LAMB1: variants seen among roughly 807,000 people sequenced by gnomAD.
LAMB1 encodes laminin subunit beta-1.
Under a neutral mutation model 222.3 loss-of-function variants are expected in LAMB1, and 121 were observed. The observed-to-expected ratio is 0.54, with a 90% confidence interval of 0.47 to 0.63. LAMB1 has a LOEUF of 0.63. LAMB1 is among the 30% of genes least tolerant of loss of function. The probability of loss-of-function intolerance (pLI) is 0.00; values close to 1 mark genes in which losing one functional copy is unlikely to be tolerated. For synonymous variants in LAMB1, 794 were observed against 807.2 expected, an observed-to-expected ratio of 0.98 and a Z score of 0.28; for missense variants, 2,172 against 2,240.8, an observed-to-expected ratio of 0.97 and a Z score of 0.62.
At chr7:107,981,523 G>A (rs2033974177) in intron 7 of LAMB1, among the ~76,000 whole-genome samples, 1 of 152,034 alleles carries the variant, frequency 6.6e-6, no homozygotes, top group Non-Finnish European at 1.5e-5. Context: ...TGAGGCAGGA[G>A]AGTTGCCTGA....
At chr7:107,964,458 A>T in intron 14 of LAMB1, 94 bp downstream of exon 14, 1 of 1,457,138 alleles carries the variant, frequency 6.9e-7, no homozygotes, top group Non-Finnish European at 9.5e-7. Flanking sequence ...AAAGCTATAA[A>T]AATGCTTCTG....
intron 14 of LAMB1, among the ~76,000 whole-genome samples, chr7:107,963,874 G>A (rs1427567968): frequency 3.9e-5 from 6 of 152,210 alleles, no homozygotes; most frequent in South Asian, 2.1e-4. Context: ...CAAGGCGGGC[G>A]GATCACCTGA....
intron 31 of LAMB1, 74 bp downstream of exon 31, chr7:107,928,990 G>T: frequency 1.4e-6 from 2 of 1,385,734 alleles, no homozygotes; most frequent in Non-Finnish European, 2.0e-6. Flanking sequence ...TCTGTTCATA[G>T]ATAACAAATG....
At chr7:107,970,505 A>AAAAAG (rs386418403) in intron 13 of LAMB1, among the ~76,000 whole-genome samples, 10 of 108,802 alleles carry the variant, frequency 9.2e-5, no homozygotes, top group African/African-American at 2.3e-4. Context: ...AAAAAAAAAA[A>AAAAAG]GGGGGGGGTG....
rs180900612 is a variant in LAMB1, at chr7:107,987,587, G to A, written c.424-1224C>T. On this transcript the variant is annotated intron_variant, in intron 5 of 33. Coordinates refer to ENST00000222399, the MANE Select transcript of LAMB1 (RefSeq NM_002291.3). ...ACGATCTCAGTTCAATGCATCCTCC[G>A]CCTCCTGGGTTCAAACAATTCTTCT... Among the ~76,000 whole-genome samples, 811 of 152,244 alleles carry A rather than the reference G, an allele frequency of 5.3e-3. 3 individuals are homozygous for A. The highest frequency in any genetic ancestry group is 0.017 in the Middle Eastern group (5 of 294).
In LAMB1 at chr7:107,940,310, G is replaced by A. The variant is rs778323211; in HGVS notation, c.3440C>T (p.Ser1147Phe). ...CTCAACGCAGACACACTGGCCCGTG[G>A]ACTGGTCACACTGTGGCGTCTCAAT... ...RGIETPQCDQ[S>F]TGQCVCVEGV... is the part of the protein sequence containing the mutation. The change falls in exon 25 of 34, where the codon TCC becomes TTC. Residue 1147 changes from serine to phenylalanine, a missense_variant. Transcript: ENST00000222399. 1 of 1,614,180 alleles carries A rather than the reference G, an allele frequency of 6.2e-7. No individual in the cohort carries two copies. The highest frequency in any genetic ancestry group is 1.7e-5 in the Admixed American group (1 of 60,024).
chr7:107,941,724 G>A (rs2032986107), intron 24 of LAMB1, among the ~76,000 whole-genome samples: 2 of 150,036 alleles, frequency 1.3e-5, no homozygotes, highest in South Asian at 2.1e-4. Flanking sequence ...GCGCGATCTC[G>A]GCTCACTGCA....
In LAMB1 at chr7:107,975,888, A is replaced by C. The variant is rs370876282; in HGVS notation, c.1001-11T>G. On this transcript the variant is annotated splice_polypyrimidine_tract_variant and intron_variant, in intron 9 of 33. Coordinates refer to ENST00000222399, the MANE Select transcript of LAMB1 (RefSeq NM_002291.3). ...CATTGCAGTTACATTCTGCGTGACA[A>C]GAGCAACGTCAAGAAAAGCTTTTTA... The C allele has an allele frequency of 6.2e-7, 1 of 1,611,314 alleles. No individual in the cohort carries two copies. Among genetic ancestry groups the C allele is most frequent in the African/African-American group, 1.3e-5 (1 of 74,990 alleles).
At chr7:107,938,965 A>G (rs1007308275) in intron 25 of LAMB1, among the ~76,000 whole-genome samples, 1 of 152,172 alleles carries the variant, frequency 6.6e-6, no homozygotes, top group Non-Finnish European at 1.5e-5. Context: ...TATGAGATGA[A>G]AAGTCCCTCT....
At position 107,964,553 on chromosome 7, in the gene LAMB1, G is replaced by A; in HGVS notation, c.1697C>T (p.Pro566Leu). 1 of 1,614,108 alleles carries A rather than the reference G, an allele frequency of 6.2e-7. No individual in the cohort carries two copies. The highest frequency in any genetic ancestry group is 1.1e-5 in the South Asian group (1 of 91,078). The change falls in exon 14 of 34, where the codon CCT (proline) becomes CTT (leucine). Residue 566 changes from proline (P) to leucine (L), a missense_variant and splice_region_variant. Coordinates refer to ENST00000222399, the MANE Select transcript of LAMB1 (RefSeq NM_002291.3). ...CCTGCCACACACTCCCCTACTCACAGGCCCCAAGTTGGCTTCCTCCGCTTC... is the reference window on the plus strand; with the variant it reads ...CCTGCCACACACTCCCCTACTCACAAGCCCCAAGTTGGCTTCCTCCGCTTC... ...LYEAEEANLGPGVSIVERQYI... is the reference protein window; with the variant it reads ...LYEAEEANLGLGVSIVERQYI...
chr7:107,937,410 A>T (rs1165755900), intron 25 of LAMB1, 133 bp from the exon 26 acceptor site: 3 of 676,052 alleles, frequency 4.4e-6, no homozygotes, highest in Non-Finnish European at 7.5e-6. Context: ...TTTCATCCCT[A>T]AGTGCTAGTT....
rs1454383363 is a variant in LAMB1 at position 107,985,500 on chromosome 7, G to A, written c.676+522C>T. Among the ~76,000 whole-genome samples the A allele has an allele frequency of 5.3e-5, 8 of 151,916 alleles. No homozygotes were observed. In the East Asian group the frequency reaches 1.2e-3, roughly 22 times the overall value. ...ATAAACTAGCTGGGCATGGTGGCGGGCACCTGTAATCCCAGCTACTCGGGA... is the reference window on the plus strand; with the variant it reads ...ATAAACTAGCTGGGCATGGTGGCGGACACCTGTAATCCCAGCTACTCGGGA... On this transcript the variant is annotated intron_variant, in intron 7 of 33. Coordinates refer to ENST00000222399, the MANE Select transcript of LAMB1 (RefSeq NM_002291.3).
At chr7:107,988,965 C>G (rs1405501676) in intron 5 of LAMB1, among the ~76,000 whole-genome samples, 1 of 152,166 alleles carries the variant, frequency 6.6e-6, no homozygotes, top group African/African-American at 2.4e-5. Flanking sequence ...AAGGCACCCT[C>G]ACAACACATT....
intron 5 of LAMB1, among the ~76,000 whole-genome samples, chr7:107,988,569 C>T (rs1212786518): frequency 6.6e-6 from 1 of 152,134 alleles, no homozygotes. Flanking sequence ...ACATTCTTTA[C>T]TTTAACTCTC....
chr7:107,929,549 G>C lies in LAMB1; in HGVS notation c.4608C>G (p.Thr1536=). The C allele has an allele frequency of 6.2e-7, 1 of 1,614,002 alleles. No individual in the cohort carries two copies. The highest frequency in any genetic ancestry group is 1.1e-5 in the South Asian group (1 of 91,076). The stretch of plus-strand genomic sequence containing the variant: ...CTGTCAAGTTCTGTAACTGCTGTGG[G>C]GTGCTAGGCATCTCCATTTTCAATA... ...NEVLKMEMPS[T]PQQLQNLTED... is the part of the protein sequence containing the mutation. The change falls in exon 30 of 34, where the codon ACC becomes ACG. Residue 1536 remains threonine (T), a synonymous_variant. Transcript: ENST00000222399.
intron 5 of LAMB1, among the ~76,000 whole-genome samples, chr7:107,988,636 A>T (rs918704993): frequency 6.6e-6 from 1 of 152,178 alleles, no homozygotes; most frequent in African/African-American, 2.4e-5. Context: ...ACCTAACTCC[A>T]TACTTCAGGT....
rs754147263 is a variant in LAMB1, at chr7:107,924,241, T to G, written c.5213A>C (p.Gln1738Pro). The part of the protein sequence containing the change: ...TLLAQANSKL[Q>P]LLKDLERKYE... Reference sequence around the variant, plus strand: ...GTGAAAAGACCCACCTTTGAGCAGTTGCAGCTTGCTATTTGCTTGAGCTAA... The same window carrying G: ...GTGAAAAGACCCACCTTTGAGCAGTGGCAGCTTGCTATTTGCTTGAGCTAA... The change falls in exon 33 of 34, where the codon CAA (glutamine) becomes CCA (proline). Residue 1738 changes from glutamine (Q) to proline (P), a missense_variant. Coordinates refer to ENST00000222399, the MANE Select transcript of LAMB1 (RefSeq NM_002291.3). 3 of 1,609,400 alleles carry G rather than the reference T, an allele frequency of 1.9e-6. No individual in the cohort carries two copies. In the South Asian group the frequency reaches 3.3e-5, roughly 18 times the overall value.
intron 15 of LAMB1, 57 bp from the exon 16 acceptor site, chr7:107,961,733 A>G: frequency 1.3e-6 from 2 of 1,566,416 alleles, no homozygotes; most frequent in Non-Finnish European, 1.7e-6. Context: ...CTGTTTATAA[A>G]AAGACCTCTC....
rs748041657 is a variant in LAMB1, at chr7:107,951,212, C to T, written c.3391+14G>A. 20 of 1,604,796 alleles carry T rather than the reference C, an allele frequency of 1.2e-5. No homozygotes were observed. The highest frequency in any genetic ancestry group is 2.2e-5 in the East Asian group (1 of 44,850). ...CTCTCTGATCAAGTCAATGCGAGAACGCCCACAACTCACCTCGGCACTCCA... is the reference window on the plus strand; with the variant it reads ...CTCTCTGATCAAGTCAATGCGAGAATGCCCACAACTCACCTCGGCACTCCA... On this transcript the variant is annotated intron_variant, in intron 24 of 33. Transcript: ENST00000222399.
Sources: gnomAD v4.1 joint callset for allele counts (sites outside exome capture counted in the v4.1 genomes callset) on GRCh38, gnomAD v4.1.1 for gene constraint, MANE v1.5 for transcripts, NCBI Gene and HGNC (gene_info 2026-07-23, HGNC 2026-07-21) for gene names.